Variants in CTTNBP2NL observed in about 807,000 individuals in gnomAD.
The protein encoded by CTTNBP2NL is CTTNBP2 N-terminal-like protein.
In CTTNBP2NL, 16 loss-of-function variants were observed where a neutral mutation model predicts 32.5. The observed-to-expected ratio is 0.49, with a 90% CI of 0.33 to 0.75. CTTNBP2NL has a LOEUF of 0.75. Ranked by LOEUF, CTTNBP2NL falls within the 30% of genes least tolerant of loss-of-function variation. The probability of loss-of-function intolerance (pLI) is 0.02; values close to 1 mark genes in which losing one functional copy is unlikely to be tolerated. For synonymous variants in CTTNBP2NL, 298 were observed against 289.4 expected, an observed-to-expected ratio of 1.03 and a Z score of -0.30; for missense variants, 645 against 756.0, an observed-to-expected ratio of 0.85 and a Z score of 1.72.
Position 112,457,138 on chromosome 1 carries a change from C to A in CTTNBP2NL, c.1646C>A (p.Ser549Ter), listed in dbSNP as rs1362617048. Residue 549 changes from serine (S) to a stop codon, truncating the protein, a stop_gained, in exon 6 of 6, where the codon TCA (serine) becomes TAA (stop). Transcript: ENST00000271277. LOFTEE classifies it high-confidence loss of function. ...TANPRGDTSHSPTPGKVSSPL... is the reference protein window; with the variant it reads ...TANPRGDTSH ...AATCCAAGAGGTGACACAAGCCATT[C>A]ACCTACTCCAGGGAAAGTGTCCAGT... 6.2e-7 allele frequency: 1 copy of A among 1,614,060 alleles called. No individual in the cohort carries two copies. Among genetic ancestry groups the A allele is most frequent in the Admixed American group, 1.7e-5 (1 of 60,006 alleles).
chr1:112,401,261 A>G (rs1192540193), intron 1 of CTTNBP2NL, among the ~76,000 whole-genome samples: 1 of 152,218 alleles, frequency 6.6e-6, no homozygotes, highest in Non-Finnish European at 1.5e-5. Context: ...TGCATATGTC[A>G]TGATCTCAAG....
At chr1:112,439,502 A>G (rs1169968796) in intron 3 of CTTNBP2NL, among the ~76,000 whole-genome samples, 2 of 152,180 alleles carry the variant, frequency 1.3e-5, no homozygotes, top group Non-Finnish European at 2.9e-5. Context: ...TCTCTCTCCC[A>G]TAGAATACCT....
rs548891020 is a variant in CTTNBP2NL, at chr1:112,449,610, AT to A, written c.330+442del. On this transcript the variant is annotated intron_variant, in intron 4 of 5. Coordinates refer to ENST00000271277, the MANE Select transcript of CTTNBP2NL (RefSeq NM_018704.3). ...GGATAAACACAGAAGCCAATAGATTATTTTCATTTATTCCTATTATTCCTAG... is the reference window on the plus strand; with the variant it reads ...GGATAAACACAGAAGCCAATAGATTATTTCATTTATTCCTATTATTCCTAG... Among the ~76,000 whole-genome samples, 525 of 151,990 alleles carry A rather than the reference AT, an allele frequency of 3.5e-3. 3 individuals carry two copies. The highest frequency in any genetic ancestry group is 0.012 in the African/African-American group (488 of 41,456).
At position 112,456,891 on chromosome 1, in the gene CTTNBP2NL, C is replaced by G. The variant is rs757935734; in HGVS notation, c.1399C>G (p.Gln467Glu). 1 of 1,614,128 alleles carries G rather than the reference C, an allele frequency of 6.2e-7. No homozygotes were observed. Among genetic ancestry groups the G allele is most frequent in the South Asian group, 1.1e-5 (1 of 91,078 alleles). ...GTTCCATGCAGCTCGCCACAAATTT[C>G]AGTCCCAAGCAGATCAGGACCAACA... is the stretch of plus-strand genomic sequence containing the variant. The part of the protein sequence containing the change: ...QRFHAARHKF[Q>E]SQADQDQQAS... Residue 467 changes from glutamine to glutamate, a missense_variant, in exon 6 of 6, where the codon CAG becomes GAG. Transcript: ENST00000271277.
intron 3 of CTTNBP2NL, 118 bp downstream of exon 3, chr1:112,416,382 C>A: frequency 3.3e-6 from 2 of 602,558 alleles, no homozygotes; most frequent in South Asian, 4.3e-5. Context: ...GGAGGACATA[C>A]TGATACTTGC....
intron 3 of CTTNBP2NL, among the ~76,000 whole-genome samples, chr1:112,435,749 G>A (rs1005349799): frequency 1.3e-5 from 2 of 152,036 alleles, no homozygotes; most frequent in Non-Finnish European, 2.9e-5. Flanking sequence ...AGAAAAAATC[G>A]TTTGGAAATT....
chr1:112,432,971 G>A (rs551015661), intron 3 of CTTNBP2NL, among the ~76,000 whole-genome samples: 2 of 151,966 alleles, frequency 1.3e-5, no homozygotes, highest in African/African-American at 2.4e-5. Context: ...GCATTCAACC[G>A]TGTTGACCAT....
intron 1 of CTTNBP2NL, among the ~76,000 whole-genome samples, chr1:112,399,318 CAAAAA>C (rs72332884): frequency 5.1e-5 from 4 of 78,048 alleles, no homozygotes; most frequent in African/African-American, 1.9e-4. Flanking sequence ...GACTCTGTCT[CAAAAA>C]AAAAAAAAAA....
chr1:112,424,824 G>T (rs1649343401), intron 3 of CTTNBP2NL, among the ~76,000 whole-genome samples: 2 of 151,656 alleles, frequency 1.3e-5, no homozygotes. Flanking sequence ...TTTTGGTTTG[G>T]TTTGTTTTTT....
chr1:112,452,013 G>A (rs1353951363), intron 4 of CTTNBP2NL, among the ~76,000 whole-genome samples: 3 of 152,026 alleles, frequency 2.0e-5, no homozygotes, highest in African/African-American at 7.2e-5. Context: ...TCTCTCCTTT[G>A]TGGGGTTTTA....
intron 3 of CTTNBP2NL, among the ~76,000 whole-genome samples, chr1:112,418,647 C>CT (rs1385206876): frequency 6.6e-6 from 1 of 152,042 alleles, no homozygotes; most frequent in Non-Finnish European, 1.5e-5. Context: ...AAGGAATACC[C>CT]TCTACAATGA....
At chr1:112,428,991 T>C (rs1309470808) in intron 3 of CTTNBP2NL, among the ~76,000 whole-genome samples, 1 of 152,220 alleles carries the variant, frequency 6.6e-6, no homozygotes, top group African/African-American at 2.4e-5. Flanking sequence ...TATAAAATTC[T>C]AAAAGAATTT....
intron 1 of CTTNBP2NL, among the ~76,000 whole-genome samples, chr1:112,404,175 A>G (rs938513499): frequency 1.3e-5 from 2 of 152,228 alleles, no homozygotes; most frequent in Admixed American, 6.5e-5. Flanking sequence ...TGTGCTTTCC[A>G]CTATAACATA....
In CTTNBP2NL at chr1:112,455,943, A is replaced by G; in HGVS notation, c.451A>G (p.Lys151Glu). 1.3e-6 allele frequency: 2 copies of G among 1,579,152 alleles called. No individual in the cohort carries two copies. Among genetic ancestry groups the G allele is most frequent in the Non-Finnish European group, 1.7e-6 (2 of 1,167,566 alleles). The change falls in exon 6 of 6, where the codon AAA becomes GAA. Residue 151 changes from lysine to glutamate, a missense_variant. Transcript: ENST00000271277. ...TTTTTTTTTCTAGTTGGAATTTGAA[A>G]AATCCCAAGTGAAAAAGTTTGAAAA... Reference protein sequence around the residue: ...ERLTQQLEFEKSQVKKFEKEQ... With the variant: ...ERLTQQLEFEESQVKKFEKEQ...
chr1:112,402,493 A>G (rs1283888221), intron 1 of CTTNBP2NL, among the ~76,000 whole-genome samples: 1 of 152,202 alleles, frequency 6.6e-6, no homozygotes, highest in African/African-American at 2.4e-5. Flanking sequence ...AACACGAGAT[A>G]AGAATTGTAA....
At chr1:112,432,853 C>G (rs72985400) in intron 3 of CTTNBP2NL, among the ~76,000 whole-genome samples, 7 of 151,276 alleles carry the variant, frequency 4.6e-5, no homozygotes, top group African/African-American at 1.7e-4. Flanking sequence ...AAATATTTCT[C>G]ATTCCTCATT....
At chr1:112,400,424 G>T (rs1312667830) in intron 1 of CTTNBP2NL, among the ~76,000 whole-genome samples, 1 of 152,168 alleles carries the variant, frequency 6.6e-6, no homozygotes, top group Admixed American at 6.5e-5. Flanking sequence ...ACTTTTGGAG[G>T]CCGAAGCGGG....
intron 3 of CTTNBP2NL, among the ~76,000 whole-genome samples, chr1:112,447,440 A>G (rs1323474679): frequency 1.3e-5 from 2 of 152,156 alleles, no homozygotes; most frequent in African/African-American, 4.8e-5. Flanking sequence ...CCAGTATACA[A>G]ATAACATCCA....
intron 3 of CTTNBP2NL, among the ~76,000 whole-genome samples, chr1:112,427,432 T>C (rs1428364773): frequency 2.0e-5 from 3 of 152,194 alleles, no homozygotes; most frequent in Admixed American, 6.5e-5. Context: ...GGTTTGTTTC[T>C]TTTACTGAAT....
Sources: gnomAD v4.1 joint callset for allele counts (sites outside exome capture counted in the v4.1 genomes callset) on GRCh38, gnomAD v4.1.1 for gene constraint, MANE v1.5 for transcripts, NCBI Gene and HGNC (gene_info 2026-07-23, HGNC 2026-07-21) for gene names.